ATXN1: variants seen among roughly 807,000 people sequenced by gnomAD.
ATXN1 encodes ataxin-1.
In ATXN1, 8 loss-of-function variants were observed where a neutral mutation model predicts 56.4. The ratio of observed to expected loss-of-function variants is 0.14; its 90% CI spans 0.08 to 0.26. ATXN1 has a LOEUF of 0.26. Among genes scored for constraint, ATXN1 ranks in the 10% least tolerant of loss-of-function variants. The probability of loss-of-function intolerance (pLI) is 1.00; values close to 1 mark genes in which losing one functional copy is unlikely to be tolerated. For missense variants in ATXN1, 987 were observed against 1,106.5 expected (o/e 0.89, Z 1.53); for synonymous variants, 514 against 494.6 (o/e 1.04, Z -0.52).
intron 6 of ATXN1, among the ~76,000 whole-genome samples, chr6:16,405,035 T>C (rs1241217509): frequency 6.6e-6 from 1 of 152,240 alleles, no homozygotes; most frequent in African/African-American, 2.4e-5. Flanking sequence ...ACTTTCTCAT[T>C]TGGGTCTCTG....
Position 16,328,145 on chromosome 6 carries a change from C to T in ATXN1, c.166G>A (p.Gly56Arg), listed in dbSNP as rs767419937. Residue 56 changes from glycine to arginine, a missense_variant, in exon 7 of 8, where the codon GGG becomes AGG. By Grantham distance (125) the Gly-to-Arg change is moderately radical (BLOSUM62 -2). Around this residue, in one of 3 missense-constraint regions of ATXN1, gnomAD observed 723 missense variants for 791.7 expected, o/e 0.91. Transcript: ENST00000436367. The surrounding 1 kb of genome is among the most constrained non-coding windows in gnomAD (Gnocchi z 6.2). ...CCTGCCGGCCCATGCCTCCCGCCCC[C>T]GTGGCCCCGGCCACCAGGGTTGCCC... ...LPGNPGGRGH[G>R]GGRHGPAGTS... 1.0e-5 allele frequency: 16 copies of T among 1,581,084 alleles called. No homozygotes were observed. The highest frequency in any genetic ancestry group is 6.7e-5 in the East Asian group (3 of 44,488).
intron 6 of ATXN1, among the ~76,000 whole-genome samples, chr6:16,340,313 G>C (rs1214827303): frequency 5.3e-5 from 8 of 152,216 alleles, no homozygotes; most frequent in Non-Finnish European, 1.5e-5. Context: ...CTAGGGACTA[G>C]AGGTCAGTCA....
intron 4 of ATXN1, among the ~76,000 whole-genome samples, chr6:16,555,889 G>C (rs1016214383): frequency 6.6e-6 from 1 of 152,190 alleles, no homozygotes; most frequent in Admixed American, 6.5e-5. Flanking sequence ...TAATGCAAGG[G>C]ACAGCCTGTC....
Position 16,625,169 on chromosome 6 carries a change from C to G in ATXN1, c.-489+32607G>C, listed in dbSNP as rs566857620. ...CATCTCTTCCTTCTTTCAAAGTTCACCTTAATTCACTTCTCTATGATTCTA... is the reference window on the plus strand; with the variant it reads ...CATCTCTTCCTTCTTTCAAAGTTCAGCTTAATTCACTTCTCTATGATTCTA... On this transcript the variant is annotated intron_variant, in intron 3 of 7. Coordinates refer to ENST00000436367, the MANE Select transcript of ATXN1 (RefSeq NM_001128164.2). Among the ~76,000 whole-genome samples the G allele has an allele frequency of 1.1e-4, 16 of 152,302 alleles. 1 individual carries two copies. The highest frequency in any genetic ancestry group is 3.8e-4 in the African/African-American group (16 of 41,562).
At chr6:16,358,046 C>T (rs1761726895) in intron 6 of ATXN1, among the ~76,000 whole-genome samples, 1 of 151,922 alleles carries the variant, frequency 6.6e-6, no homozygotes, top group African/African-American at 2.4e-5. Context: ...GAGAAATATC[C>T]AAGAAAGGCA....
intron 3 of ATXN1, among the ~76,000 whole-genome samples, chr6:16,603,838 G>A (rs572480556): frequency 2.2e-3 from 328 of 152,240 alleles, no homozygotes; most frequent in Middle Eastern, 6.8e-3. Context: ...GGGTGGGGAT[G>A]AGGACAGTGG....
rs1378711981 is a variant in ATXN1, at chr6:16,760,808, C to G, written c.-730+490G>C. On this transcript the variant is annotated intron_variant, in intron 1 of 7. Transcript: ENST00000436367. This position sits in a 1 kb window ranked among gnomAD's most constrained non-coding sequence, Gnocchi z 5.3. The stretch of plus-strand genomic sequence containing the variant: ...GGCGGCCGGGAAAGGGACCACCCCC[C>G]AACCCCAGCCGCCGCCTCCCCCCTG... Among the ~76,000 whole-genome samples, 4 of 151,206 alleles carry G rather than the reference C, an allele frequency of 2.6e-5. No individual in the cohort carries two copies. The highest frequency in any genetic ancestry group is 4.4e-5 in the Non-Finnish European group (3 of 67,656).
Position 16,327,742 on chromosome 6 carries a change from G to A in ATXN1, c.569C>T (p.Thr190Met), listed in dbSNP as rs375508636. ...LLANMGSLSQTPGHKAEQQQQ... is the reference protein window; with the variant it reads ...LLANMGSLSQMPGHKAEQQQQ... Reference sequence around the variant, plus strand: ...CTGCTGCTCAGCCTTGTGTCCCGGCGTCTGGCTCAGACTGCCCATGTTGGC... The same window carrying A: ...CTGCTGCTCAGCCTTGTGTCCCGGCATCTGGCTCAGACTGCCCATGTTGGC... Residue 190 changes from threonine to methionine, a missense_variant, in exon 7 of 8, where the codon ACG (threonine) becomes ATG (methionine). This residue lies in a region of ATXN1 where 723 missense variants were observed against 791.7 expected (regional missense o/e 0.91). Coordinates refer to ENST00000436367, the MANE Select transcript of ATXN1 (RefSeq NM_001128164.2). The A allele has an allele frequency of 1.7e-5, 27 of 1,604,224 alleles. No homozygotes were observed. Among genetic ancestry groups the A allele is most frequent in the South Asian group, 5.5e-5 (5 of 90,634 alleles).
chr6:16,686,649 G>A (rs900862997), intron 2 of ATXN1, among the ~76,000 whole-genome samples: 2 of 152,174 alleles, frequency 1.3e-5, no homozygotes, highest in East Asian at 1.9e-4. Flanking sequence ...ATTCATATGG[G>A]AAGTCAATTT....
chr6:16,476,701 C>T (rs1214770495), intron 6 of ATXN1, among the ~76,000 whole-genome samples: 1 of 152,198 alleles, frequency 6.6e-6, no homozygotes, highest in Non-Finnish European at 1.5e-5. Flanking sequence ...TTTACTTTAT[C>T]TCATACAAAA....
chr6:16,324,034 G>A (rs1760746495), intron 7 of ATXN1, among the ~76,000 whole-genome samples: 1 of 152,002 alleles, frequency 6.6e-6, no homozygotes, highest in Non-Finnish European at 1.5e-5. Flanking sequence ...AGTATTCAGG[G>A]CTAAAAGCTC....
intron 5 of ATXN1, among the ~76,000 whole-genome samples, chr6:16,511,281 G>C (rs1761077914): frequency 6.6e-6 from 1 of 152,160 alleles, no homozygotes; most frequent in African/African-American, 2.4e-5. Context: ...GCATTAACAT[G>C]TGAATAAAAT....
At chr6:16,455,293 A>G (rs1294773954) in intron 6 of ATXN1, among the ~76,000 whole-genome samples, 7 of 152,246 alleles carry the variant, frequency 4.6e-5, no homozygotes, top group Non-Finnish European at 1.0e-4. Flanking sequence ...CAAATTAGAC[A>G]TAGAGATGGC....
chr6:16,600,653 C>A (rs1453522059), intron 3 of ATXN1, among the ~76,000 whole-genome samples: 1 of 152,198 alleles, frequency 6.6e-6, no homozygotes, highest in Middle Eastern at 3.2e-3. Flanking sequence ...AAATTGCTAT[C>A]TACAAGCTGC....
At chr6:16,663,285 T>C (rs1042910349) in intron 2 of ATXN1, among the ~76,000 whole-genome samples, 1 of 152,002 alleles carries the variant, frequency 6.6e-6, no homozygotes, top group African/African-American at 2.4e-5. Context: ...TTTTTTAATA[T>C]AGGAAAAAAT....
intron 3 of ATXN1, among the ~76,000 whole-genome samples, chr6:16,610,497 TA>T (rs1403140644): frequency 6.6e-6 from 1 of 151,678 alleles, no homozygotes; most frequent in African/African-American, 2.4e-5. Context: ...ATAGAAGAAA[TA>T]AAACAACTAC....
intron 2 of ATXN1, among the ~76,000 whole-genome samples, chr6:16,661,985 G>A (rs1415493199): frequency 1.3e-5 from 2 of 152,174 alleles, no homozygotes; most frequent in African/African-American, 2.4e-5. Context: ...GTTGTTTTAA[G>A]CCACTAAGAT....
intron 6 of ATXN1, among the ~76,000 whole-genome samples, chr6:16,346,892 G>A (rs935884335): frequency 1.3e-5 from 2 of 152,242 alleles, no homozygotes; most frequent in African/African-American, 4.8e-5. Flanking sequence ...GGAGAGGCGT[G>A]GGTGGGAACC....
chr6:16,570,687 G>A (rs1380793766), intron 4 of ATXN1, among the ~76,000 whole-genome samples: 2 of 152,182 alleles, frequency 1.3e-5, no homozygotes. Context: ...AAAGACAGAT[G>A]AAAGTGAAGA....
Sources: gnomAD v4.1 joint callset for allele counts (sites outside exome capture counted in the v4.1 genomes callset) on GRCh38, gnomAD v4.1.1 for gene constraint, gnomAD v4.1.1 regional missense constraint, Gnocchi (gnomAD v3.1) non-coding constraint, MANE v1.5 for transcripts, NCBI Gene and HGNC (gene_info 2026-07-23, HGNC 2026-07-21) for gene names.